ST8SIA1: variants seen among roughly 807,000 people sequenced by gnomAD.
ST8SIA1 encodes the protein ST8 alpha-N-acetyl-neuraminide alpha-2,8-sialyltransferase 1, also known as alpha-N-acetylneuraminide alpha-2,8-sialyltransferase.
ST8SIA1 carries 16 observed loss-of-function variants against 35.9 expected under a neutral mutation model. The observed-to-expected ratio is 0.45, with a 90% CI of 0.30 to 0.68. ST8SIA1 has a LOEUF of 0.68. Ranked by LOEUF, ST8SIA1 falls within the 30% of genes least tolerant of loss-of-function variation. The pLI is 0.09. For synonymous variants in ST8SIA1, 170 were observed against 169.6 expected, an observed-to-expected ratio of 1.00 and a Z score of -0.02; for missense variants, 383 against 453.6, an observed-to-expected ratio of 0.84 and a Z score of 1.41.
At position 22,202,014 on chromosome 12, in the gene ST8SIA1, T is replaced by C. The variant is rs1380302411; in HGVS notation, c.609A>G (p.Arg203=). The part of the protein sequence containing the change: ...RQRFQNLLWS[R]KTFVDNMKIY... ...TTTTCATGTTGTCCACAAATGTCTT[T>C]CTGGACCACAGAAGGTTCTGAAACC... The change falls in exon 5 of 5, where the codon AGA becomes AGG. Residue 203 remains arginine, a synonymous_variant. Transcript: ENST00000396037. 1.5e-5 allele frequency: 24 copies of C among 1,609,158 alleles called. No individual in the cohort carries two copies. The highest frequency in any genetic ancestry group is 2.0e-5 in the Non-Finnish European group (23 of 1,178,676).
chr12:22,199,978 T>C lies in ST8SIA1; in HGVS notation c.*1574A>G, dbSNP rs1370849597. On this transcript the variant is annotated 3_prime_UTR_variant, in exon 5 of 5. Transcript: ENST00000396037. ...ACCCTTCTCTGAAATGTAAACACAT[T>C]TGGCTGCTTGTAATCTGTCAGTAGA... is the stretch of plus-strand genomic sequence containing the variant. 6.6e-6 allele frequency: 1 copy of C among 152,220 alleles called. No homozygotes were observed. Among genetic ancestry groups the C allele is most frequent in the Non-Finnish European group, 1.5e-5 (1 of 68,040 alleles). 9.4% of individuals were successfully genotyped at this position (152,220 alleles called of 1,614,324 possible).
chr12:22,269,478 G>A (rs559822649), intron 2 of ST8SIA1, among the ~76,000 whole-genome samples: 2 of 152,226 alleles, frequency 1.3e-5, no homozygotes, highest in South Asian at 2.1e-4. Context: ...CTATTGTAAT[G>A]TGTATGTTTA....
chr12:22,282,811 T>A (rs936098592), intron 2 of ST8SIA1, among the ~76,000 whole-genome samples: 1 of 152,074 alleles, frequency 6.6e-6, no homozygotes, highest in African/African-American at 2.4e-5. Flanking sequence ...TTAGTTTCCT[T>A]CCAGCCAAAA....
intron 1 of ST8SIA1, among the ~76,000 whole-genome samples, chr12:22,290,552 C>T (rs903274094): frequency 1.3e-5 from 2 of 152,214 alleles, no homozygotes; most frequent in African/African-American, 4.8e-5. Flanking sequence ...AAGCAAGTGA[C>T]TTCCTGTGTA....
chr12:22,265,294 T>G (rs893287011), intron 2 of ST8SIA1, among the ~76,000 whole-genome samples: 2 of 152,214 alleles, frequency 1.3e-5, no homozygotes, highest in African/African-American at 4.8e-5. Flanking sequence ...ATCTTAGCAG[T>G]GGAGCAAAAC....
intron 2 of ST8SIA1, among the ~76,000 whole-genome samples, chr12:22,280,399 C>A (rs886743742): frequency 1.3e-5 from 2 of 152,198 alleles, no homozygotes; most frequent in Non-Finnish European, 2.9e-5. Context: ...AACAGTAACA[C>A]CTCCTAAGAA....
At chr12:22,270,905 G>A (rs1396565288) in intron 2 of ST8SIA1, among the ~76,000 whole-genome samples, 1 of 152,166 alleles carries the variant, frequency 6.6e-6, no homozygotes, top group Non-Finnish European at 1.5e-5. Context: ...TATTTGTACA[G>A]GTGGTCACAG....
intron 2 of ST8SIA1, among the ~76,000 whole-genome samples, chr12:22,266,845 G>GTA (rs558529210): frequency 9.4e-4 from 103 of 109,478 alleles, no homozygotes; most frequent in African/African-American, 3.0e-3. Context: ...ATACACAAAA[G>GTA]TATACACACA....
At chr12:22,313,795 C>G (rs1216058145) in intron 1 of ST8SIA1, among the ~76,000 whole-genome samples, 1 of 152,120 alleles carries the variant, frequency 6.6e-6, no homozygotes, top group African/African-American at 2.4e-5. Flanking sequence ...GGAAGGTGCC[C>G]CAGGCCATAT....
At chr12:22,266,415 T>C (rs948363588) in intron 2 of ST8SIA1, among the ~76,000 whole-genome samples, 1 of 151,982 alleles carries the variant, frequency 6.6e-6, no homozygotes, top group Non-Finnish European at 1.5e-5. Context: ...TTATTACTGT[T>C]GCTACTGTTA....
chr12:22,233,861 A>G (rs571404234), intron 4 of ST8SIA1, among the ~76,000 whole-genome samples: 1 of 152,286 alleles, frequency 6.6e-6, no homozygotes, highest in South Asian at 2.1e-4. Flanking sequence ...TTTATGTGCC[A>G]TGCTTCCTCC....
intron 4 of ST8SIA1, among the ~76,000 whole-genome samples, chr12:22,217,749 CATT>C (rs1420000646): frequency 1.3e-5 from 2 of 152,172 alleles, no homozygotes; most frequent in Non-Finnish European, 2.9e-5. Context: ...ACCACATCAT[CATT>C]ATCATCATCA....
At chr12:22,243,513 T>G (rs888005776) in intron 4 of ST8SIA1, among the ~76,000 whole-genome samples, 3 of 152,216 alleles carry the variant, frequency 2.0e-5, no homozygotes, top group Admixed American at 1.3e-4. Context: ...GTTTGCACTT[T>G]GTTTACCACC....
At chr12:22,305,188 T>C (rs1363799078) in intron 1 of ST8SIA1, among the ~76,000 whole-genome samples, 1 of 152,098 alleles carries the variant, frequency 6.6e-6, no homozygotes, top group African/African-American at 2.4e-5. Context: ...TAAAAATATA[T>C]AAAAGAGCTC....
intron 3 of ST8SIA1, 99 bp downstream of exon 3, chr12:22,255,181 T>G (rs1252728269): frequency 2.2e-6 from 2 of 928,786 alleles, no homozygotes; most frequent in African/African-American, 3.2e-5. Flanking sequence ...CTACAACTGA[T>G]TCATCACAAG....
chr12:22,253,614 C>A (rs1865697585), intron 3 of ST8SIA1, among the ~76,000 whole-genome samples: 1 of 152,224 alleles, frequency 6.6e-6, no homozygotes, highest in Admixed American at 6.5e-5. Flanking sequence ...GTTCAACGCA[C>A]CATTCCCAGA....
At chr12:22,318,416 C>G (rs1004771488) in intron 1 of ST8SIA1, among the ~76,000 whole-genome samples, 5 of 152,192 alleles carry the variant, frequency 3.3e-5, no homozygotes, top group Admixed American at 6.5e-5. Flanking sequence ...TAGGCTTCCA[C>G]CTCTTACAGA....
chr12:22,194,363 A>G lies in ST8SIA1; in HGVS notation c.*7189T>C, dbSNP rs1041574479. 2 of 152,198 alleles carry G rather than the reference A, an allele frequency of 1.3e-5. No individual in the cohort carries two copies. The highest frequency in any genetic ancestry group is 4.8e-5 in the African/African-American group (2 of 41,450). The allele number at this position is 152,198 out of a possible 1,614,324, so 9.4% of individuals were successfully genotyped here. Reference sequence around the variant, plus strand: ...TGACTTCAATGAAGGATATTTACATACTATTATCAGACTTCTCCAAGGCCT... The same window carrying G: ...TGACTTCAATGAAGGATATTTACATGCTATTATCAGACTTCTCCAAGGCCT... On this transcript the variant is annotated 3_prime_UTR_variant, in exon 5 of 5. Coordinates refer to ENST00000396037, the MANE Select transcript of ST8SIA1 (RefSeq NM_003034.4).
chr12:22,263,582 C>G (rs979950311), intron 2 of ST8SIA1, among the ~76,000 whole-genome samples: 2 of 152,096 alleles, frequency 1.3e-5, no homozygotes, highest in East Asian at 3.9e-4. Context: ...GTGATGCTTA[C>G]TTTCACACTT....
Sources: allele counts gnomAD v4.1 joint callset (sites outside exome capture counted in the v4.1 genomes callset), GRCh38; gene constraint gnomAD v4.1.1; transcripts MANE v1.5; gene names NCBI Gene and HGNC (gene_info 2026-07-23, HGNC 2026-07-21).